The following LZTFL1 variants were observed in gnomAD, a reference collection of about 807,000 sequenced individuals.
The protein encoded by LZTFL1 is leucine zipper transcription factor like 1.
A neutral mutation model predicts 45.9 loss-of-function variants in LZTFL1; 25 were observed. The observed-to-expected ratio is 0.54, with a 90% confidence interval of 0.40 to 0.76. LZTFL1 has a LOEUF of 0.76. LZTFL1 is among the 30% of genes least tolerant of loss of function. LZTFL1 has a pLI of 0.00. For missense variants in LZTFL1, 277 were observed against 331.1 expected, an observed-to-expected ratio of 0.84 and a Z score of 1.27; for synonymous variants, 93 against 117.4, an observed-to-expected ratio of 0.79 and a Z score of 1.35.
chr3:45,844,260 C>A (rs913094416), upstream of LZTFL1, among the ~76,000 whole-genome samples: 2 of 152,064 alleles, frequency 1.3e-5, no homozygotes, highest in Non-Finnish European at 2.9e-5. Flanking sequence ...ATTTACAGAA[C>A]CCCTGTTGTG....
intron 2 of LZTFL1, among the ~76,000 whole-genome samples, chr3:45,891,996 C>T (rs1575295795): frequency 6.6e-6 from 1 of 152,098 alleles, no homozygotes; most frequent in Admixed American, 6.6e-5. Context: ...TGAAGACCAA[C>T]TTAGCTGGTC....
At chr3:45,896,211 T>A (rs1278149322) in intron 2 of LZTFL1, among the ~76,000 whole-genome samples, 1 of 152,238 alleles carries the variant, frequency 6.6e-6, no homozygotes, top group East Asian at 1.9e-4. Context: ...CAGAAGTAGA[T>A]GAAGGCAGCA....
chr3:45,867,753 A>G (rs1358183417), intron 2 of LZTFL1, among the ~76,000 whole-genome samples: 1 of 152,066 alleles, frequency 6.6e-6, no homozygotes, highest in Non-Finnish European at 1.5e-5. Context: ...CTGATGTGGG[A>G]GGATCACTTG....
chr3:45,912,988 G>T, intron 2 of LZTFL1: 1 of 899,424 alleles, frequency 1.1e-6, no homozygotes, highest in Non-Finnish European at 1.6e-6. Flanking sequence ...CTGGTTTATG[G>T]AAAAGCTTTT....
chr3:45,841,757 C>A (rs1231027653), intron 1 of LZTFL1: 3 of 593,058 alleles, frequency 5.1e-6, no homozygotes, highest in Non-Finnish European at 8.9e-6. Context: ...CGAAGCGATG[C>A]GGCGGAGCTG....
intron 2 of LZTFL1, among the ~76,000 whole-genome samples, chr3:45,880,438 G>C (rs181341967): frequency 4.7e-4 from 71 of 152,170 alleles, no homozygotes; most frequent in East Asian, 4.4e-3. Flanking sequence ...GGAGGTGGAG[G>C]TTGCAGTGAG....
chr3:45,825,128 G>A lies in LZTFL1; in HGVS notation c.*1186C>T, dbSNP rs777864514. The A allele has an allele frequency of 3.8e-5, 14 of 370,892 alleles. No homozygotes were observed. The highest frequency in any genetic ancestry group is 1.9e-4 in the East Asian group (5 of 26,046). The allele number at this position is 370,892 out of a possible 1,614,324, so 23.0% of individuals were successfully genotyped here. On this transcript the variant is annotated 3_prime_UTR_variant, in exon 10 of 10. Transcript: ENST00000296135. ...GCCCTATGCTCCAATCAGTAAACTC[G>A]TTTCTTGGAATAAAATCTTCATTTG...
intron 2 of LZTFL1, among the ~76,000 whole-genome samples, chr3:45,872,198 G>C (rs1431314758): frequency 1.3e-5 from 2 of 152,210 alleles, no homozygotes; most frequent in African/African-American, 2.4e-5. Context: ...CAGAAAGGAA[G>C]GGGAAGGAGC....
In LZTFL1 at chr3:45,901,583, G is replaced by C; in HGVS notation, c.-215+11537C>G. 1 of 1,614,204 alleles carries C rather than the reference G, an allele frequency of 6.2e-7. No individual in the cohort carries two copies. The highest frequency in any genetic ancestry group is 8.5e-7 in the Non-Finnish European group (1 of 1,180,024). ...TCACTGTCCTGACCGTCTTTGTCTT[G>C]TCTCAGTTTCCCTACAACTGCATTT... On this transcript the variant is annotated intron_variant, in intron 2 of 4. Coordinates refer to the LZTFL1 transcript ENST00000472635. The surrounding 1 kb of genome is among the most constrained non-coding windows in gnomAD (Gnocchi z 4.3).
At chr3:45,911,496 C>T (rs562007838) in intron 2 of LZTFL1, among the ~76,000 whole-genome samples, 7 of 152,346 alleles carry the variant, frequency 4.6e-5, no homozygotes, top group African/African-American at 1.4e-4. Context: ...GTTGGATCCA[C>T]GTCTTTCTGA....
chr3:45,855,204 C>G (rs1452225258), intron 3 of LZTFL1: 1 of 564,452 alleles, frequency 1.8e-6, no homozygotes, highest in Non-Finnish European at 3.2e-6. Context: ...CATCAAAAAG[C>G]TTATCCACCA....
chr3:45,884,064 C>A, intron 2 of LZTFL1: 1 of 179,542 alleles, frequency 5.6e-6, no homozygotes, highest in South Asian at 1.5e-4. Context: ...GAACAGAGCT[C>A]AGCCTCCTTG....
chr3:45,910,678 C>CA (rs1284415594), intron 2 of LZTFL1, among the ~76,000 whole-genome samples: 2 of 151,864 alleles, frequency 1.3e-5, no homozygotes, highest in Non-Finnish European at 2.9e-5. Context: ...AATAAAACAA[C>CA]AAAAAAATGT....
chr3:45,828,480 C>T lies in LZTFL1; in HGVS notation c.736G>A (p.Asp246Asn), dbSNP rs1129183. 123,662 of 1,614,000 alleles carry T rather than the reference C, an allele frequency of 0.077. 5,091 individuals are homozygous for T. The highest frequency in any genetic ancestry group is 0.079 in the Non-Finnish European group (93,577 of 1,179,910). ...LEENLATAKH[D>N]LLRVQEQLHM... is the part of the protein sequence containing the mutation. ...AGCTGCTCCTGAACCCTGAGTAGAT[C>T]GTGCTTGGCTGTCGCCAGATTCTCC... Residue 246 changes from aspartate to asparagine, a missense_variant, in exon 8 of 10, where the codon GAT becomes AAT. By Grantham distance (23) the Asp-to-Asn change is conservative. Coordinates refer to ENST00000296135, the MANE Select transcript of LZTFL1 (RefSeq NM_020347.4).
chr3:45,848,128 A>G (rs72876546), intron 4 of LZTFL1, among the ~76,000 whole-genome samples: 2,666 of 152,328 alleles, frequency 0.018, 85 homozygotes, highest in African/African-American at 0.061. Context: ...TTCTCAAACT[A>G]TATTAGAGAT....
chr3:45,914,012 C>A (rs543587645), intron 1 of LZTFL1, among the ~76,000 whole-genome samples: 1 of 152,178 alleles, frequency 6.6e-6, no homozygotes, highest in Non-Finnish European at 1.5e-5. Flanking sequence ...GAAACATCCT[C>A]CTCTCCAAGA....
intron 2 of LZTFL1, among the ~76,000 whole-genome samples, chr3:45,892,235 A>G (rs1262730222): frequency 6.6e-6 from 1 of 152,250 alleles, no homozygotes; most frequent in Admixed American, 6.5e-5. Flanking sequence ...TCTTAAAAAC[A>G]TATGGGTATA....
intron 2 of LZTFL1, among the ~76,000 whole-genome samples, chr3:45,892,419 A>G (rs1702211986): frequency 6.6e-6 from 1 of 152,206 alleles, no homozygotes; most frequent in Non-Finnish European, 1.5e-5. Flanking sequence ...AGCAACATGG[A>G]TGGAACTGGA....
chr3:45,875,393 T>C (rs953269950), intron 2 of LZTFL1, among the ~76,000 whole-genome samples: 1 of 152,190 alleles, frequency 6.6e-6, no homozygotes, highest in African/African-American at 2.4e-5. Flanking sequence ...ATAACTCAGG[T>C]AATGGAAGAA....
Sources: allele counts gnomAD v4.1 joint callset (sites outside exome capture counted in the v4.1 genomes callset), GRCh38; gene constraint gnomAD v4.1.1; non-coding constraint Gnocchi (gnomAD v3.1); transcripts MANE v1.5; gene names NCBI Gene and HGNC (gene_info 2026-07-23, HGNC 2026-07-21).